Variants in SENP7 observed in about 807,000 individuals in gnomAD.
The protein encoded by SENP7 is sentrin-specific protease 7.
Under a neutral mutation model 141.2 loss-of-function variants are expected in SENP7, and 64 were observed. The ratio of observed to expected loss-of-function variants is 0.45; its 90% CI spans 0.37 to 0.56. SENP7 has a LOEUF of 0.56. Ranked by LOEUF, SENP7 falls within the 20% of genes least tolerant of loss-of-function variation. SENP7 has a pLI of 0.00. For missense variants in SENP7, 1,025 were observed against 1,212.2 expected (o/e 0.85, Z 2.29); for synonymous variants, 382 against 426.4 (o/e 0.90, Z 1.28).
intron 13 of SENP7, among the ~76,000 whole-genome samples, chr3:101,346,991 AAGGAGGAAGAAAGAGGAGGAAGG>A (rs2059477686): frequency 6.6e-6 from 1 of 151,602 alleles, no homozygotes; most frequent in Non-Finnish European, 1.5e-5. Flanking sequence ...AGGAGGGAGG[AAGGAGGAAGAAAGAGGAGGAAGG>A]AGGAGGAAGA....
At chr3:101,414,171 T>C in intron 5 of SENP7, 1 of 530,358 alleles carries the variant, frequency 1.9e-6, no homozygotes. Context: ...GATTTAGGGG[T>C]TAAAAATAAC....
intron 20 of SENP7, among the ~76,000 whole-genome samples, chr3:101,329,336 A>T (rs2058984565): frequency 6.6e-6 from 1 of 152,180 alleles, no homozygotes; most frequent in Non-Finnish European, 1.5e-5. Context: ...TCAATTTGAG[A>T]AATCTGGCCC....
At chr3:101,353,393 C>A (rs1338837172) in intron 11 of SENP7, among the ~76,000 whole-genome samples, 2 of 151,900 alleles carry the variant, frequency 1.3e-5, no homozygotes, top group African/African-American at 2.4e-5. Flanking sequence ...ATCAAATGCT[C>A]GGGAGCTATC....
intron 4 of SENP7, among the ~76,000 whole-genome samples, chr3:101,458,251 T>C (rs1345195605): frequency 2.0e-5 from 3 of 152,234 alleles, no homozygotes; most frequent in Non-Finnish European, 4.4e-5. Context: ...ATAGAAGTAC[T>C]TTGACATAAA....
intron 4 of SENP7, among the ~76,000 whole-genome samples, chr3:101,443,324 C>T (rs1177429165): frequency 2.0e-5 from 3 of 152,052 alleles, no homozygotes; most frequent in Non-Finnish European, 4.4e-5. Context: ...TGTTTTGGTA[C>T]CAGTACCATG....
At position 101,364,837 on chromosome 3, in the gene SENP7, T is replaced by C; in HGVS notation, c.1473A>G (p.Val491=). Residue 491 remains valine (V), a synonymous_variant, in exon 10 of 24, where the codon GTA becomes GTG. Transcript: ENST00000394095. Reference sequence around the variant, plus strand: ...TGAGAAGACAGAAATAAATTACCTGTACAGATTCACATGTAATCAATGGTA... The same window carrying C: ...TGAGAAGACAGAAATAAATTACCTGCACAGATTCACATGTAATCAATGGTA... The part of the protein sequence containing the change: ...LELPLITCES[V]QMSSELCPYN... 2 of 1,583,458 alleles carry C rather than the reference T, an allele frequency of 1.3e-6. No homozygotes were observed. Among genetic ancestry groups the C allele is most frequent in the South Asian group, 2.3e-5 (2 of 86,086 alleles).
intron 4 of SENP7, among the ~76,000 whole-genome samples, chr3:101,422,623 T>C (rs2061823938): frequency 2.0e-5 from 3 of 152,180 alleles, no homozygotes; most frequent in Admixed American, 2.0e-4. Context: ...TGTCTATTTA[T>C]AAAGTGTTCC....
intron 23 of SENP7, 122 bp from the exon 24 acceptor site, chr3:101,326,202 A>G (rs1185470786): frequency 1.3e-6 from 1 of 744,030 alleles, no homozygotes; most frequent in Admixed American, 3.4e-5. Context: ...ATATTAAGAT[A>G]TAATTCACAT....
intron 17 of SENP7, among the ~76,000 whole-genome samples, chr3:101,334,772 C>T (rs551110597): frequency 1.4e-4 from 21 of 152,182 alleles, no homozygotes; most frequent in African/African-American, 4.8e-4. Context: ...GGTATTTGGT[C>T]GATTTCCTGA....
Position 101,328,498 on chromosome 3 carries a change from G to A in SENP7, c.2844C>T (p.Asn948=). 6.2e-7 allele frequency: 1 copy of A among 1,612,294 alleles called. No individual in the cohort carries two copies. The highest frequency in any genetic ancestry group is 8.5e-7 in the Non-Finnish European group (1 of 1,178,818). Residue 948 remains asparagine (N), a synonymous_variant, in exon 22 of 24, where the codon AAC becomes AAT. Transcript: ENST00000394095. ...LDSLKAASVQ[N]TVQNLREYLE... ...CTTACTCTCGTAAATTCTGAACTGT[G>A]TTTTGTACAGAAGCAGCTTTCAAGG...
intron 3 of SENP7, among the ~76,000 whole-genome samples, 173 bp downstream of exon 3, chr3:101,493,700 C>T (rs1030584356): frequency 3.9e-5 from 6 of 151,970 alleles, no homozygotes; most frequent in Admixed American, 1.3e-4. Context: ...AACGAAGAGC[C>T]TAACCTCAAA....
At chr3:101,333,515 C>T (rs562528359) in intron 17 of SENP7, among the ~76,000 whole-genome samples, 24 of 152,142 alleles carry the variant, frequency 1.6e-4, no homozygotes, top group African/African-American at 5.8e-4. Context: ...CAAGGGAAGA[C>T]CCTATCTCTA....
At position 101,373,177 on chromosome 3, in the gene SENP7, T is replaced by G. The variant is rs533716355; in HGVS notation, c.678-1051A>C. Among the ~76,000 whole-genome samples the G allele has an allele frequency of 6.6e-5, 10 of 152,258 alleles. No individual in the cohort carries two copies. The East Asian group carries it at 1.9e-3, about 29-fold the overall frequency. On this transcript the variant is annotated intron_variant, in intron 6 of 23. Coordinates refer to ENST00000394095, the MANE Select transcript of SENP7 (RefSeq NM_020654.5). ...CTATTACACTGCTCATTTTCATATT[T>G]ACTTTGGTAAAATTTTCTTTATTTT...
At chr3:101,347,004 G>T (rs2059478063) in intron 13 of SENP7, among the ~76,000 whole-genome samples, 2 of 151,744 alleles carry the variant, frequency 1.3e-5, no homozygotes, top group Non-Finnish European at 2.9e-5. Context: ...GAGGAAGAAA[G>T]AGGAGGAAGG....
intron 11 of SENP7, chr3:101,358,334 G>C (rs75016057): frequency 1.4e-6 from 1 of 728,334 alleles, no homozygotes; most frequent in African/African-American, 1.8e-5. Context: ...TATTGCACAG[G>C]AAACCTACAG....
intron 12 of SENP7, among the ~76,000 whole-genome samples, chr3:101,350,586 A>T (rs2059588021): frequency 6.6e-6 from 1 of 151,192 alleles, no homozygotes; most frequent in Admixed American, 6.6e-5. Context: ...TATGCAATAG[A>T]AAAGTTATAA....
At chr3:101,351,802 C>A in intron 11 of SENP7, 151 bp from the exon 12 acceptor site, 2 of 589,600 alleles carry the variant, frequency 3.4e-6, no homozygotes, top group Non-Finnish European at 5.0e-6. Context: ...TATTTCACTA[C>A]AAAGACTTAG....
At chr3:101,416,519 G>T (rs559384055) in intron 5 of SENP7, among the ~76,000 whole-genome samples, 2 of 152,246 alleles carry the variant, frequency 1.3e-5, no homozygotes, top group African/African-American at 4.8e-5. Flanking sequence ...CTGTACTGGG[G>T]AAGAAATCTG....
chr3:101,380,442 C>G (rs945694753), intron 6 of SENP7, among the ~76,000 whole-genome samples: 1 of 106,242 alleles, frequency 9.4e-6, no homozygotes, highest in African/African-American at 3.1e-5. Context: ...ACCGCCCCCC[C>G]CCCCACACAC....
Sources: gnomAD v4.1 joint callset for allele counts (sites outside exome capture counted in the v4.1 genomes callset) on GRCh38, gnomAD v4.1.1 for gene constraint, MANE v1.5 for transcripts, NCBI Gene and HGNC (gene_info 2026-07-23, HGNC 2026-07-21) for gene names.